Variants in ZNF782 observed in about 807,000 individuals in gnomAD.
ZNF782 encodes zinc finger protein 782.
ZNF782 carries 12 observed loss-of-function variants against 13.0 expected under a neutral mutation model. That is an observed-to-expected ratio of 0.92 (90% CI 0.59 to 1.50). The LOEUF is 1.50. Ranked by LOEUF, ZNF782 falls within the 40% of genes most tolerant of loss-of-function variation. The pLI is 0.00. For missense variants in ZNF782, 770 were observed against 822.9 expected, an observed-to-expected ratio of 0.94 and a Z score of 0.79; for synonymous variants, 284 against 283.0, an observed-to-expected ratio of 1.00 and a Z score of -0.04.
upstream of ZNF782, among the ~76,000 whole-genome samples, chr9:96,857,750 C>T (rs970138918): frequency 2.6e-5 from 4 of 152,144 alleles, no homozygotes; most frequent in South Asian, 8.3e-4. Flanking sequence ...TATTTTTTTG[C>T]TCCCATAAAC....
chr9:96,826,743 A>C lies in ZNF782; in HGVS notation c.244+337T>G, dbSNP rs117089983. Among the ~76,000 whole-genome samples, 794 of 152,258 alleles carry C rather than the reference A, an allele frequency of 5.2e-3. 36 individuals carry two copies. The East Asian group carries it at 0.099, about 19-fold the overall frequency. ...ATATGATAGGGAACACCAGTTTTCC[A>C]TCTCACAGTCTGTAATTTTGGCAGA... On this transcript the variant is annotated intron_variant, in intron 5 of 5. Transcript: ENST00000481138.
chr9:96,863,359 A>G (rs1423526813), intron 1 of ZNF782, among the ~76,000 whole-genome samples: 1 of 152,186 alleles, frequency 6.6e-6, no homozygotes, highest in Non-Finnish European at 1.5e-5. Flanking sequence ...ATAAAAAAAA[A>G]AAAATACATG....
At chr9:96,906,665 C>A in the ZNF782 span, among the ~76,000 whole-genome samples, 1 of 152,202 alleles carries the variant, frequency 6.6e-6, no homozygotes, top group Admixed American at 6.5e-5. Flanking sequence ...AGGCATGCCA[C>A]CCTCCAGGAA....
chr9:96,866,388 T>C lies in ZNF782; in HGVS notation c.-456-4785A>G, dbSNP rs1851754414. On this transcript the variant is annotated intron_variant, in intron 1 of 5. Transcript: ENST00000498811. The stretch of plus-strand genomic sequence containing the variant: ...GGTGGAAGCCCCAAGCCTTGGAAGC[T>C]TTTATGTGGTGTCGAGCCTGCAGGT... Among the ~76,000 whole-genome samples the C allele has an allele frequency of 3.3e-5, 5 of 152,278 alleles. No homozygotes were observed. In the South Asian group the frequency reaches 1.0e-3, roughly 32 times the overall value.
At chr9:96,855,555 A>G (rs1438701648), upstream of ZNF782, among the ~76,000 whole-genome samples, 1 of 152,206 alleles carries the variant, frequency 6.6e-6, no homozygotes, top group African/African-American at 2.4e-5. Flanking sequence ...AATAGTCTCC[A>G]ATCTCATTCA....
At position 96,841,528 on chromosome 9, in the gene ZNF782, T is replaced by C. The variant is rs541954414; in HGVS notation, c.142+3362A>G. 1.1e-4 allele frequency among the ~76,000 whole-genome samples: 16 copies of C among 152,108 alleles called. No homozygotes were observed. In the Middle Eastern group the frequency reaches 0.01, roughly 97 times the overall value. On this transcript the variant is annotated intron_variant, in intron 4 of 5. Transcript: ENST00000481138. ...ATAAATAAAAAGAATTCTATGACAT[T>C]ACCAAGTAAGGTTTATTCCAAGTAT...
At chr9:96,910,967 G>A in the ZNF782 span, among the ~76,000 whole-genome samples, 1 of 148,458 alleles carries the variant, frequency 6.7e-6, no homozygotes, top group Non-Finnish European at 1.5e-5. Flanking sequence ...TTTAAAAAAA[G>A]AAATTTGCTT....
the ZNF782 span, among the ~76,000 whole-genome samples, chr9:96,884,331 G>A: frequency 8.5e-5 from 13 of 152,294 alleles, no homozygotes; most frequent in East Asian, 2.3e-3. Context: ...TGGTTACAAT[G>A]AGGCTTCACC....
In ZNF782 at chr9:96,825,578, C is replaced by A. The variant is rs991432286; in HGVS notation, c.244+1502G>T. 1.1e-4 allele frequency among the ~76,000 whole-genome samples: 16 copies of A among 150,434 alleles called. No individual in the cohort carries two copies. In the South Asian group the frequency reaches 1.5e-3, roughly 14 times the overall value. On this transcript the variant is annotated intron_variant, in intron 5 of 5. Coordinates refer to ENST00000481138, the MANE Select transcript of ZNF782 (RefSeq NM_001001662.3). Reference sequence around the variant, plus strand: ...AATGGGATCTAATTAAACTAAAGAGCTTCTGCACAGCAAAAGAAACTACCA... The same window carrying A: ...AATGGGATCTAATTAAACTAAAGAGATTCTGCACAGCAAAAGAAACTACCA...
chr9:96,848,176 A>G (rs1851390276), intron 3 of ZNF782, among the ~76,000 whole-genome samples: 1 of 152,126 alleles, frequency 6.6e-6, no homozygotes, highest in South Asian at 2.1e-4. Flanking sequence ...AAAATAATAA[A>G]AGCCATATGT....
At chr9:96,895,011 A>G in the ZNF782 span, 1 of 152,256 alleles carries the variant, frequency 6.6e-6, no homozygotes, top group Non-Finnish European at 1.5e-5. Flanking sequence ...GGTGTGAGCT[A>G]CCACATCTAG....
chr9:96,836,212 CT>C (rs1163521968), intron 4 of ZNF782, among the ~76,000 whole-genome samples: 1,393 of 137,136 alleles, frequency 0.01, 5 homozygotes, highest in Middle Eastern at 0.058. Flanking sequence ...AAGTAAAAAA[CT>C]TTTTTTTTTT....
the ZNF782 span, among the ~76,000 whole-genome samples, chr9:96,929,358 G>A: frequency 1.6e-4 from 25 of 151,930 alleles, no homozygotes; most frequent in Non-Finnish European, 3.4e-4. Context: ...GTGTTGTGCT[G>A]GTGGCCCAGG....
At chr9:96,861,856 G>A (rs1319030691) in intron 1 of ZNF782, among the ~76,000 whole-genome samples, 1 of 152,160 alleles carries the variant, frequency 6.6e-6, no homozygotes, top group Non-Finnish European at 1.5e-5. Flanking sequence ...CAGTTTGGAG[G>A]TTCTCAAAAC....
the ZNF782 span, among the ~76,000 whole-genome samples, chr9:96,887,159 C>A: frequency 6.6e-6 from 1 of 151,282 alleles, no homozygotes; most frequent in Admixed American, 6.6e-5. Flanking sequence ...ACTAAAAATA[C>A]AAAAATTAGC....
Position 96,825,446 on chromosome 9 carries a change from C to A in ZNF782, c.244+1634G>T, listed in dbSNP as rs1020293609. ...ACTTAAACGTTAGACCTGAAACCAT[C>A]AAAACCCTAGAAGAAAACCTAGGCA... is the stretch of plus-strand genomic sequence containing the variant. On this transcript the variant is annotated intron_variant, in intron 5 of 5. Transcript: ENST00000481138. Among the ~76,000 whole-genome samples, 60 of 152,202 alleles carry A rather than the reference C, an allele frequency of 3.9e-4. No individual in the cohort carries two copies. The East Asian group carries it at 6.6e-3, about 17-fold the overall frequency.
intron 1 of ZNF782, among the ~76,000 whole-genome samples, chr9:96,868,411 T>C (rs558538993): frequency 2.6e-5 from 4 of 152,380 alleles, no homozygotes; most frequent in Admixed American, 1.3e-4. Context: ...CTGCATTCTA[T>C]ACATTCATAG....
chr9:96,871,061 ATTTTC>A (rs1326263937), intron 1 of ZNF782, among the ~76,000 whole-genome samples: 2 of 152,162 alleles, frequency 1.3e-5, no homozygotes, highest in East Asian at 1.9e-4. Flanking sequence ...TTGCTGATAA[ATTTTC>A]TTATTTTTTA....
intron 5 of ZNF782, among the ~76,000 whole-genome samples, chr9:96,822,865 T>G (rs1028625400): frequency 6.6e-6 from 1 of 152,202 alleles, no homozygotes; most frequent in African/African-American, 2.4e-5. Context: ...TATTCCTTAT[T>G]GAGTTTAAGA....
Sources: allele counts gnomAD v4.1 joint callset (sites outside exome capture counted in the v4.1 genomes callset), GRCh38; gene constraint gnomAD v4.1.1; transcripts MANE v1.5; gene names NCBI Gene and HGNC (gene_info 2026-07-23, HGNC 2026-07-21).